TMCO4: variants seen among roughly 807,000 people sequenced by gnomAD.
The protein encoded by TMCO4 is transmembrane and coiled-coil domains 4.
TMCO4 carries 58 observed loss-of-function variants against 64.7 expected under a neutral mutation model. That is an observed-to-expected ratio of 0.90 (90% CI 0.73 to 1.12). TMCO4 has a LOEUF of 1.12. Ranked by LOEUF, TMCO4 falls within the 50% of genes most tolerant of loss-of-function variation. The pLI, the probability that TMCO4 is intolerant of heterozygous loss-of-function variation, is 0.00. For synonymous variants in TMCO4, 325 were observed against 346.1 expected (o/e 0.94, Z 0.68); for missense variants, 780 against 825.9 (o/e 0.94, Z 0.68).
At chr1:19,730,124 T>C (rs985265279) in intron 13 of TMCO4, among the ~76,000 whole-genome samples, 1 of 152,258 alleles carries the variant, frequency 6.6e-6, no homozygotes, top group Non-Finnish European at 1.5e-5. Flanking sequence ...AGGCATTTAC[T>C]GGCCCCTCCT....
chr1:19,743,082 CGTT>C lies in TMCO4; in HGVS notation c.878-2144_878-2142del, dbSNP rs1211585688. Among the ~76,000 whole-genome samples the C allele has an allele frequency of 6.6e-6, 1 of 152,076 alleles. No homozygotes were observed. The highest frequency in any genetic ancestry group is 1.5e-5 in the Non-Finnish European group (1 of 68,010). On this transcript the variant is annotated intron_variant, in intron 10 of 15. Coordinates refer to ENST00000294543, the MANE Select transcript of TMCO4 (RefSeq NM_181719.7). This position sits in a 1 kb window ranked among gnomAD's most constrained non-coding sequence, Gnocchi z 4.1. ...AATAAAAATAAAAAAAATAAAAAGG[CGTT>C]GTATAAACTGTAAAGTGCTCTACTG...
chr1:19,742,767 TG>T (rs1361397249), intron 10 of TMCO4, among the ~76,000 whole-genome samples: 1 of 152,148 alleles, frequency 6.6e-6, no homozygotes, highest in Non-Finnish European at 1.5e-5. Context: ...TCAGGTGTGG[TG>T]GGGATCACAG....
chr1:19,740,256 TC>T (rs770296844), intron 11 of TMCO4, among the ~76,000 whole-genome samples: 9 of 152,078 alleles, frequency 5.9e-5, no homozygotes, highest in Admixed American at 1.3e-4. Flanking sequence ...GCCCTGCCCA[TC>T]CCCTCTAGAC....
intron 13 of TMCO4, among the ~76,000 whole-genome samples, chr1:19,721,949 T>C (rs1557512132): frequency 6.6e-6 from 1 of 152,218 alleles, no homozygotes; most frequent in Non-Finnish European, 1.5e-5. Context: ...CTCATCTCAT[T>C]GCACATTCAA....
At position 19,780,643 on chromosome 1, in the gene TMCO4, C is replaced by T. The variant is rs145733113; in HGVS notation, c.116G>A (p.Arg39His). Residue 39 changes from arginine to histidine, a missense_variant, in exon 4 of 16, where the codon CGC becomes CAC. Coordinates refer to ENST00000294543, the MANE Select transcript of TMCO4 (RefSeq NM_181719.7). ...PTGRELTEANRFAYAALCGIS... is the reference protein window; with the variant it reads ...PTGRELTEANHFAYAALCGIS... ...GCCACAGAGGGCAGCATAGGCGAAG[C>T]GGTTGGCCTCAGTCAGCTCCCGGCC... is the stretch of plus-strand genomic sequence containing the variant. 2.5e-6 allele frequency: 4 copies of T among 1,613,878 alleles called. No individual in the cohort carries two copies. The highest frequency in any genetic ancestry group is 8.5e-7 in the Non-Finnish European group (1 of 1,179,912).
At position 19,780,594 on chromosome 1, in the gene TMCO4, A is replaced by G; in HGVS notation, c.165T>C (p.Pro55=). The change falls in exon 4 of 16, where the codon CCT becomes CCC. Residue 55 remains proline (P), a synonymous_variant. Coordinates refer to ENST00000294543, the MANE Select transcript of TMCO4 (RefSeq NM_181719.7). ...LCGISLSQLF[P]EPEHSSFCTE... ...GAAGAACTCACCTGTGTTCGGGTTC[A>G]GGAAATAACTGGGACAGGGAGATGC... 6.2e-7 allele frequency: 1 copy of G among 1,603,222 alleles called. No individual in the cohort carries two copies. The highest frequency in any genetic ancestry group is 1.3e-5 in the African/African-American group (1 of 74,414).
At chr1:19,733,418 C>G (rs1472136042) in intron 13 of TMCO4, among the ~76,000 whole-genome samples, 1 of 152,208 alleles carries the variant, frequency 6.6e-6, no homozygotes, top group Non-Finnish European at 1.5e-5. Context: ...CCCTGACACA[C>G]AGAATCGATT....
chr1:19,730,138 T>G (rs4486471), intron 13 of TMCO4, among the ~76,000 whole-genome samples: 1 of 152,088 alleles, frequency 6.6e-6, no homozygotes, highest in African/African-American at 2.4e-5. Context: ...CCCTCCTTCA[T>G]GTGAGGAATG....
rs1281854760 is a variant in TMCO4, at chr1:19,755,724, G to T, written c.425C>A (p.Thr142Asn). ...CTCCAAGGGCACTTGGAGCAGGGAGGTCATGTGGCAAACGAGGACTCTGGC... is the reference window on the plus strand; with the variant it reads ...CTCCAAGGGCACTTGGAGCAGGGAGTTCATGTGGCAAACGAGGACTCTGGC... The part of the protein sequence containing the change: ...ARARVLVCHM[T>N]SLLQVPLEEL... The change falls in exon 7 of 16, where the codon ACC (threonine) becomes AAC (asparagine). Residue 142 changes from threonine to asparagine, a missense_variant. Physicochemically the swap from Thr to Asn is moderately conservative, Grantham distance 65 (BLOSUM62 0). Coordinates refer to ENST00000294543, the MANE Select transcript of TMCO4 (RefSeq NM_181719.7). 6.2e-7 allele frequency: 1 copy of T among 1,614,084 alleles called. No homozygotes were observed.
chr1:19,711,564 C>T (rs796369297), intron 13 of TMCO4, among the ~76,000 whole-genome samples: 57 of 152,284 alleles, frequency 3.7e-4, no homozygotes, highest in African/African-American at 1.4e-3. Context: ...TCACGGCTCA[C>T]TGCAGCCTCG....
At chr1:19,747,616 C>T (rs1488472918) in intron 7 of TMCO4, among the ~76,000 whole-genome samples, 1 of 152,138 alleles carries the variant, frequency 6.6e-6, no homozygotes, top group South Asian at 2.1e-4. Context: ...GACTCCATCA[C>T]CTCCCTCCTC....
chr1:19,779,872 T>G (rs2043379631), intron 4 of TMCO4, among the ~76,000 whole-genome samples: 1 of 152,224 alleles, frequency 6.6e-6, no homozygotes, highest in Non-Finnish European at 1.5e-5. Context: ...TTACCCTCCA[T>G]GTACTTCAAA....
chr1:19,738,723 G>A (rs931827349), intron 12 of TMCO4, among the ~76,000 whole-genome samples: 7 of 152,234 alleles, frequency 4.6e-5, no homozygotes, highest in African/African-American at 1.7e-4. Context: ...AGTTGCTCAA[G>A]CAGTTTAGCT....
At chr1:19,785,878 A>C (rs935371165) in intron 3 of TMCO4, among the ~76,000 whole-genome samples, 6 of 152,306 alleles carry the variant, frequency 3.9e-5, no homozygotes, top group Admixed American at 1.3e-4. Flanking sequence ...GAAAGGTGTC[A>C]TTCCAGCAGA....
chr1:19,696,177 T>C (rs1254127785), intron 14 of TMCO4, among the ~76,000 whole-genome samples: 1 of 152,152 alleles, frequency 6.6e-6, no homozygotes, highest in Non-Finnish European at 1.5e-5. Context: ...TCTAGACAAT[T>C]CCTTCAGTCT....
rs1171716133 is a variant in TMCO4, at chr1:19,771,296, T to A, written c.354+12A>T. The stretch of plus-strand genomic sequence containing the variant: ...ACTGTCCCCAGCAGCCACCACCAGG[T>A]GTTGGGTGTACCTGAGTGATCACCG... On this transcript the variant is annotated intron_variant, in intron 5 of 15. Coordinates refer to ENST00000294543, the MANE Select transcript of TMCO4 (RefSeq NM_181719.7). The A allele has an allele frequency of 3.1e-6, 5 of 1,611,154 alleles. No individual in the cohort carries two copies. In the African/African-American group the frequency reaches 5.3e-5, roughly 17 times the overall value.
chr1:19,766,744 A>G (rs2042750897), intron 6 of TMCO4, among the ~76,000 whole-genome samples: 1 of 152,190 alleles, frequency 6.6e-6, no homozygotes, highest in Admixed American at 6.5e-5. Flanking sequence ...GTGGGGCTTG[A>G]ACTGTAATAC....
intron 4 of TMCO4, among the ~76,000 whole-genome samples, chr1:19,774,185 C>T (rs1021817893): frequency 3.9e-5 from 6 of 152,122 alleles, no homozygotes; most frequent in African/African-American, 1.2e-4. Context: ...CTAAGTAAAC[C>T]AAACGTTACT....
chr1:19,701,049 C>T (rs2095269057), intron 13 of TMCO4, 164 bp from the exon 14 acceptor site: 2 of 603,682 alleles, frequency 3.3e-6, no homozygotes, highest in Non-Finnish European at 5.8e-6. Context: ...TGCAAACACG[C>T]AAACATGCAT....
Sources: allele counts gnomAD v4.1 joint callset (sites outside exome capture counted in the v4.1 genomes callset), GRCh38; gene constraint gnomAD v4.1.1; non-coding constraint Gnocchi (gnomAD v3.1); transcripts MANE v1.5; gene names NCBI Gene and HGNC (gene_info 2026-07-23, HGNC 2026-07-21).